Variants in NR3C1 observed in about 807,000 individuals in gnomAD.
The protein encoded by NR3C1 is glucocorticoid receptor.
A neutral mutation model predicts 74.0 loss-of-function variants in NR3C1; 14 were observed. The observed-to-expected ratio is 0.19, with a 90% CI of 0.12 to 0.30. The LOEUF is 0.30. Among genes scored for constraint, NR3C1 ranks in the 10% least tolerant of loss-of-function variants. The pLI, the probability that NR3C1 is intolerant of heterozygous loss-of-function variation, is 1.00. For synonymous variants in NR3C1, 308 were observed against 332.5 expected (o/e 0.93, Z 0.80); for missense variants, 695 against 909.8 (o/e 0.76, Z 3.04).
chr5:143,377,010 T>C (rs1044359272), intron 2 of NR3C1, among the ~76,000 whole-genome samples: 1 of 152,142 alleles, frequency 6.6e-6, no homozygotes, highest in Non-Finnish European at 1.5e-5. Flanking sequence ...TGATCTCGGT[T>C]ACACTGGGAA....
At chr5:143,391,709 C>A (rs1838259126) in intron 2 of NR3C1, among the ~76,000 whole-genome samples, 1 of 151,804 alleles carries the variant, frequency 6.6e-6, no homozygotes, top group Non-Finnish European at 1.5e-5. Flanking sequence ...AAAAAAAAAT[C>A]ATTGTGAAGA....
At chr5:143,347,374 T>C (rs1295376849) in intron 2 of NR3C1, among the ~76,000 whole-genome samples, 1 of 152,146 alleles carries the variant, frequency 6.6e-6, no homozygotes, top group Non-Finnish European at 1.5e-5. Flanking sequence ...AAACTTGCAC[T>C]TGAAAACAGA....
intron 1 of NR3C1, among the ~76,000 whole-genome samples, chr5:143,427,979 A>G (rs1751621695): frequency 1.3e-5 from 2 of 152,252 alleles, no homozygotes; most frequent in Admixed American, 6.5e-5. Context: ...TTATTCTAAT[A>G]TAAGTATGTC....
Position 143,279,591 on chromosome 5 carries a change from A to G in NR3C1, c.*2298T>C, listed in dbSNP as rs920295419. On this transcript the variant is annotated 3_prime_UTR_variant, in exon 9 of 9. Coordinates refer to ENST00000394464, the MANE Select transcript of NR3C1 (RefSeq NM_000176.3). ...TCAAAAAGCAAATGATTGTTTTTTTATTAAATAATTTCTCCAAAATACTGA... is the reference window on the plus strand; with the variant it reads ...TCAAAAAGCAAATGATTGTTTTTTTGTTAAATAATTTCTCCAAAATACTGA... 8.1e-6 allele frequency: 4 copies of G among 495,990 alleles called. No individual in the cohort carries two copies. Among genetic ancestry groups the G allele is most frequent in the African/African-American group, 8.0e-5 (4 of 49,694 alleles). The allele number at this position is 495,990 out of a possible 1,614,324, so 30.7% of individuals were successfully genotyped here. A position where few individuals can be genotyped will look rare whatever the true frequency, so the allele number is the denominator to read the frequency against.
At chr5:143,418,715 C>T (rs555257940) in intron 1 of NR3C1, among the ~76,000 whole-genome samples, 1 of 152,242 alleles carries the variant, frequency 6.6e-6, no homozygotes, top group South Asian at 2.1e-4. Context: ...AAAGGGTAAA[C>T]AGTTGGTGCT....
intron 7 of NR3C1, among the ~76,000 whole-genome samples, chr5:143,287,438 A>T (rs1038048045): frequency 6.6e-6 from 1 of 152,166 alleles, no homozygotes; most frequent in African/African-American, 2.4e-5. Flanking sequence ...CTCATTTCAT[A>T]GAAACACACA....
In NR3C1 at chr5:143,282,225, G is replaced by A. The variant is rs72542754; in HGVS notation, c.2182-184C>T. Among the ~76,000 whole-genome samples, 22 of 152,244 alleles carry A rather than the reference G, an allele frequency of 1.4e-4. No homozygotes were observed. In the East Asian group the frequency reaches 4.0e-3, roughly 28 times the overall value. On this transcript the variant is annotated intron_variant, in intron 8 of 8. Transcript: ENST00000394464. ...TTTTATATTTCTTTGATTGTATGTA[G>A]AATTATATAGAATTATTTCATGAAT...
chr5:143,422,451 G>A (rs1205091489), intron 1 of NR3C1, among the ~76,000 whole-genome samples: 3 of 152,184 alleles, frequency 2.0e-5, no homozygotes, highest in Non-Finnish European at 2.9e-5. Flanking sequence ...TGTTCTGAAT[G>A]TCTGTGTCCT....
chr5:143,296,628 T>A (rs901001665), intron 6 of NR3C1, among the ~76,000 whole-genome samples: 13 of 151,240 alleles, frequency 8.6e-5, no homozygotes, highest in Non-Finnish European at 1.8e-4. Flanking sequence ...ACAACAACAA[T>A]TTTTTTTTCC....
intron 7 of NR3C1, among the ~76,000 whole-genome samples, chr5:143,292,946 G>A (rs542540831): frequency 6.6e-6 from 1 of 152,174 alleles, no homozygotes; most frequent in African/African-American, 2.4e-5. Context: ...TAGCTTTGTT[G>A]CCATTTTCCT....
chr5:143,433,254 G>C (rs1003621330), intron 1 of NR3C1, among the ~76,000 whole-genome samples: 2 of 151,812 alleles, frequency 1.3e-5, no homozygotes, highest in Non-Finnish European at 2.9e-5. Context: ...AAAGTTCACA[G>C]AGTTTTATTT....
At chr5:143,313,250 T>C (rs573079682) in intron 3 of NR3C1, among the ~76,000 whole-genome samples, 4 of 152,332 alleles carry the variant, frequency 2.6e-5, no homozygotes, top group Admixed American at 2.6e-4. Flanking sequence ...ATAAATTTGC[T>C]ATGGAATGAA....
chr5:143,332,799 T>G, intron 2 of NR3C1: 1 of 1,539,390 alleles, frequency 6.5e-7, no homozygotes, highest in Non-Finnish European at 8.9e-7. Context: ...TGGCGTGAGT[T>G]TACGGGTGCA....
At chr5:143,323,450 C>A (rs1000008906) in intron 2 of NR3C1, among the ~76,000 whole-genome samples, 1 of 152,034 alleles carries the variant, frequency 6.6e-6, no homozygotes, top group Non-Finnish European at 1.5e-5. Flanking sequence ...GAAAGACCAG[C>A]CCCCATGATT....
chr5:143,435,191 T>C, exon 1 of NR3C1: 3 of 985,478 alleles, frequency 3.0e-6, no homozygotes, highest in Non-Finnish European at 3.6e-6. Flanking sequence ...CTTTCCCTTT[T>C]TTCTTCTCTT....
chr5:143,294,819 T>G, intron 7 of NR3C1: 1 of 661,898 alleles, frequency 1.5e-6, no homozygotes, highest in Non-Finnish European at 1.9e-6. Flanking sequence ...GCTTGACAGC[T>G]TATTTCTTTT....
intron 7 of NR3C1, among the ~76,000 whole-genome samples, chr5:143,288,197 C>G (rs930823277): frequency 4.0e-5 from 6 of 151,518 alleles, no homozygotes; most frequent in Admixed American, 2.6e-4. Context: ...CGGCTTACTG[C>G]AACCTCTGCC....
At chr5:143,403,029 G>A (rs1308232541) in intron 1 of NR3C1, among the ~76,000 whole-genome samples, 182 bp downstream of exon 1, 3 of 147,722 alleles carry the variant, frequency 2.0e-5, no homozygotes, top group African/African-American at 7.5e-5. Context: ...GAAGAGGCCA[G>A]CGCTGTCACC....
chr5:143,368,168 G>A lies in NR3C1; in HGVS notation c.1184+31488C>T, dbSNP rs192116701. The stretch of plus-strand genomic sequence containing the variant: ...AATAATCTTTTCAACAAATGGTGCT[G>A]GGACAACTAGGTATCATTACACAAA... On this transcript the variant is annotated intron_variant, in intron 2 of 8. Transcript: ENST00000394464. Among the ~76,000 whole-genome samples, 60 of 152,192 alleles carry A rather than the reference G, an allele frequency of 3.9e-4. 1 individual carries two copies. In the East Asian group the frequency reaches 9.8e-3, roughly 25 times the overall value.
Sources: allele counts gnomAD v4.1 joint callset (sites outside exome capture counted in the v4.1 genomes callset), GRCh38; gene constraint gnomAD v4.1.1; transcripts MANE v1.5; gene names NCBI Gene and HGNC (gene_info 2026-07-23, HGNC 2026-07-21).